The following DPP6 variants were observed in gnomAD, a reference collection of about 807,000 sequenced individuals.
DPP6 encodes dipeptidyl peptidase like 6.
DPP6 carries 69 observed loss-of-function variants against 122.6 expected under a neutral mutation model. That is an observed-to-expected ratio of 0.56 (90% CI 0.46 to 0.69). The LOEUF is 0.69. Among genes scored for constraint, DPP6 ranks in the 30% least tolerant of loss-of-function variants. The pLI, the probability that DPP6 is intolerant of heterozygous loss-of-function variation, is 0.00. For missense variants in DPP6, 928 were observed against 1,116.9 expected (o/e 0.83, Z 2.41); for synonymous variants, 418 against 433.1 (o/e 0.97, Z 0.43).
chr7:153,775,657 A>G, the DPP6 span, among the ~76,000 whole-genome samples: 1 of 152,212 alleles, frequency 6.6e-6, no homozygotes, highest in African/African-American at 2.4e-5. Flanking sequence ...ATCTGCAGAC[A>G]AAATGACTTT....
chr7:154,484,487 T>C (rs2151376590), intron 3 of DPP6, among the ~76,000 whole-genome samples: 1 of 152,332 alleles, frequency 6.6e-6, no homozygotes, highest in Non-Finnish European at 1.5e-5. Context: ...TCCTCCCGTC[T>C]CCTCCCAGTA....
rs892843693 is a variant in DPP6 at position 154,320,475 on chromosome 7, G to T, written c.244-125739G>T. On this transcript the variant is annotated intron_variant, in intron 1 of 25. Transcript: ENST00000377770. ...GAGATAAAATAGCCAATTGTACTTT[G>T]TTTTTTTTTTTGTTGTTGTTTTTCT... Among the ~76,000 whole-genome samples, 6 of 81,082 alleles carry T rather than the reference G, an allele frequency of 7.4e-5. No homozygotes were observed. In the Admixed American group the frequency reaches 8.1e-4, roughly 11 times the overall value. 53.2% of individuals were successfully genotyped at this position (81,082 alleles called of 152,430 possible).
chr7:154,303,205 G>A (rs920912889), intron 1 of DPP6, among the ~76,000 whole-genome samples: 2 of 152,204 alleles, frequency 1.3e-5, no homozygotes, highest in Non-Finnish European at 2.9e-5. Context: ...GAGGTCCTGA[G>A]CAACTCTGAG....
intron 10 of DPP6, among the ~76,000 whole-genome samples, chr7:154,778,425 G>A (rs62473873): frequency 0.048 from 7,240 of 152,020 alleles, 227 homozygotes; most frequent in Non-Finnish European, 0.071. Flanking sequence ...ACCCTGATGC[G>A]AAACTCAGCC....
intron 16 of DPP6, among the ~76,000 whole-genome samples, chr7:154,825,380 A>G (rs528022982): frequency 1.5e-4 from 23 of 152,354 alleles, no homozygotes; most frequent in Non-Finnish European, 3.2e-4. Flanking sequence ...AGAGTTGAGT[A>G]AGACAGCGTT....
intron 1 of DPP6, among the ~76,000 whole-genome samples, chr7:154,190,188 G>C (rs563033682): frequency 7.2e-4 from 110 of 152,330 alleles, no homozygotes; most frequent in African/African-American, 2.6e-3. Flanking sequence ...TGATATACTA[G>C]GTGCATGACT....
chr7:154,283,036 C>T (rs1804627825), intron 1 of DPP6, among the ~76,000 whole-genome samples: 1 of 152,176 alleles, frequency 6.6e-6, no homozygotes, highest in Non-Finnish European at 1.5e-5. Context: ...TACCTTACCT[C>T]CTATCTCCAG....
chr7:154,404,544 A>T (rs1440696961), intron 1 of DPP6, among the ~76,000 whole-genome samples: 2 of 152,242 alleles, frequency 1.3e-5, no homozygotes, highest in Admixed American at 6.5e-5. Context: ...ATGCATAAAC[A>T]GCCAAGGACA....
intron 1 of DPP6, among the ~76,000 whole-genome samples, chr7:153,976,479 G>T (rs1796308724): frequency 6.6e-6 from 1 of 152,182 alleles, no homozygotes; most frequent in Admixed American, 6.5e-5. Flanking sequence ...GGATCCAGAA[G>T]TCATCATGAA....
At chr7:154,825,832 A>G (rs868067662) in intron 16 of DPP6, among the ~76,000 whole-genome samples, 1 of 152,234 alleles carries the variant, frequency 6.6e-6, no homozygotes, top group African/African-American at 2.4e-5. Flanking sequence ...ACATTCCCTA[A>G]GGGAAAGGTA....
chr7:153,902,379 G>A (rs6954878), intron 1 of DPP6, among the ~76,000 whole-genome samples: 3,261 of 152,236 alleles, frequency 0.021, 71 homozygotes, highest in African/African-American at 0.058. Context: ...AGTGTCCACC[G>A]ATGTTAGGCT....
chr7:154,428,440 AT>A (rs1173868195), intron 1 of DPP6, among the ~76,000 whole-genome samples: 2 of 152,208 alleles, frequency 1.3e-5, no homozygotes, highest in Non-Finnish European at 2.9e-5. Flanking sequence ...CAGTATGCAG[AT>A]TTCTTAAAAG....
At chr7:153,860,407 G>GAGTTGCA in the DPP6 span, among the ~76,000 whole-genome samples, 1 of 152,114 alleles carries the variant, frequency 6.6e-6, no homozygotes, top group African/African-American at 2.4e-5. Flanking sequence ...GCACTGGAAG[G>GAGTTGCA]AGTTGCAGGA....
intron 2 of DPP6, among the ~76,000 whole-genome samples, chr7:154,471,393 A>G (rs943959847): frequency 5.3e-5 from 8 of 152,190 alleles, no homozygotes; most frequent in Non-Finnish European, 8.8e-5. Context: ...CCAAATTTCC[A>G]TCATCCTCAA....
At chr7:154,406,623 A>G (rs534385470) in intron 1 of DPP6, among the ~76,000 whole-genome samples, 3 of 152,310 alleles carry the variant, frequency 2.0e-5, no homozygotes, top group South Asian at 2.1e-4. Context: ...CATAAATACA[A>G]TGAATCATGA....
chr7:154,309,674 G>A (rs1806687039), intron 1 of DPP6, among the ~76,000 whole-genome samples: 1 of 152,086 alleles, frequency 6.6e-6, no homozygotes, highest in Non-Finnish European at 1.5e-5. Flanking sequence ...ATATTAAAAG[G>A]CAATGTGAGA....
rs139457947 is a variant in DPP6 at position 153,971,972 on chromosome 7, T to G, written c.51+84238T>G. 2.1e-5 allele frequency among the ~76,000 whole-genome samples: 3 copies of G among 146,002 alleles called. No individual in the cohort carries two copies. In the East Asian group the frequency reaches 5.9e-4, roughly 29 times the overall value. On this transcript the variant is annotated intron_variant, in intron 1 of 25. Transcript: ENST00000404039. ...GGCCCTCGTAAGCTCAAATGTTTGTTTCCTGTCTATTACAGATGACTCTCT... is the reference window on the plus strand; with the variant it reads ...GGCCCTCGTAAGCTCAAATGTTTGTGTCCTGTCTATTACAGATGACTCTCT...
chr7:154,351,490 C>T (rs948175869), intron 1 of DPP6, among the ~76,000 whole-genome samples: 3 of 152,110 alleles, frequency 2.0e-5, no homozygotes, highest in African/African-American at 7.2e-5. Flanking sequence ...GGGGTGGCCT[C>T]CCACTCTCCA....
At chr7:154,362,383 A>G (rs889818968) in intron 1 of DPP6, among the ~76,000 whole-genome samples, 6 of 152,182 alleles carry the variant, frequency 3.9e-5, no homozygotes, top group Admixed American at 6.5e-5. Flanking sequence ...TACAACAAAG[A>G]TACCACTGCC....
Sources: allele counts gnomAD v4.1 joint callset (sites outside exome capture counted in the v4.1 genomes callset), GRCh38; gene constraint gnomAD v4.1.1; transcripts MANE v1.5; gene names NCBI Gene and HGNC (gene_info 2026-07-23, HGNC 2026-07-21).